The following MTUS2 variants were observed in gnomAD, a reference collection of about 807,000 sequenced individuals.
MTUS2 encodes the protein microtubule associated scaffold protein 2.
MTUS2 carries 40 observed loss-of-function variants against 114.1 expected under a neutral mutation model. The ratio of observed to expected loss-of-function variants is 0.35; its 90% CI spans 0.27 to 0.46. The LOEUF is 0.46. MTUS2 is among the 20% of genes least tolerant of loss of function. The pLI, the probability that MTUS2 is intolerant of heterozygous loss-of-function variation, is 1.00. For synonymous variants in MTUS2, 688 were observed against 672.0 expected (o/e 1.02, Z -0.37); for missense variants, 1,679 against 1,705.4 (o/e 0.98, Z 0.27).
At chr13:28,959,951 A>G (rs936735906) in intron 2 of MTUS2, among the ~76,000 whole-genome samples, 11 of 152,240 alleles carry the variant, frequency 7.2e-5, no homozygotes, top group African/African-American at 2.4e-4. Context: ...ATAACAAATA[A>G]CATAATATGC....
chr13:29,024,822 T>C lies in MTUS2; in HGVS notation c.124T>C (p.Leu42=), dbSNP rs747868737. ...LGDTNANQIM[L]EVSSSHDESK... ...AGATACGAATGCCAATCAAATCATG[T>C]TGGAGGTCAGCTCCTCTCATGACGA... Residue 42 remains leucine (L), a synonymous_variant, in exon 3 of 16, where the codon TTG becomes CTG. Coordinates refer to ENST00000612955, the MANE Select transcript of MTUS2 (RefSeq NM_001033602.4). The C allele has an allele frequency of 1.2e-6, 2 of 1,613,864 alleles. No homozygotes were observed. Among genetic ancestry groups the C allele is most frequent in the Non-Finnish European group, 1.7e-6 (2 of 1,179,892 alleles).
At chr13:28,896,541 G>GA in intron 2 of MTUS2, among the ~76,000 whole-genome samples, 1 of 152,070 alleles carries the variant, frequency 6.6e-6, no homozygotes, top group Admixed American at 6.6e-5. Flanking sequence ...CACAGAATTG[G>GA]AAAAAACTAC....
intron 5 of MTUS2, among the ~76,000 whole-genome samples, chr13:29,188,986 A>C (rs1036689527): frequency 2.0e-5 from 3 of 152,218 alleles, no homozygotes; most frequent in Non-Finnish European, 4.4e-5. Flanking sequence ...CAACATGTAG[A>C]GTCTGAAAGT....
chr13:29,314,121 CAAAGG>C lies in MTUS2; in HGVS notation c.2807-10489_2807-10485del, dbSNP rs770076383. On this transcript the variant is annotated intron_variant, in intron 6 of 15. Transcript: ENST00000612955. Reference sequence around the variant, plus strand: ...ATAGGAACCTGAAGTAGGAAGAAAGCAAAGGAATTTCCCAGAATGATGATGTGACT... The same window carrying C: ...ATAGGAACCTGAAGTAGGAAGAAAGCAATTTCCCAGAATGATGATGTGACT... Among the ~76,000 whole-genome samples, 160 of 152,168 alleles carry C rather than the reference CAAAGG, an allele frequency of 1.1e-3. 2 individuals carry two copies. Among genetic ancestry groups the C allele is most frequent in the Admixed American group, 3.7e-3 (56 of 15,280 alleles).
intron 2 of MTUS2, among the ~76,000 whole-genome samples, chr13:28,940,566 A>G (rs1230096172): frequency 6.6e-6 from 1 of 152,176 alleles, no homozygotes; most frequent in African/African-American, 2.4e-5. Flanking sequence ...CAGGCAATTA[A>G]ATAAGATGGA....
At chr13:29,287,955 G>T (rs1425079431) in intron 6 of MTUS2, among the ~76,000 whole-genome samples, 1 of 152,214 alleles carries the variant, frequency 6.6e-6, no homozygotes, top group African/African-American at 2.4e-5. Context: ...CTGCTATACA[G>T]CCTGACGTGT....
chr13:29,401,527 T>G (rs374065742), intron 8 of MTUS2, among the ~76,000 whole-genome samples: 1 of 152,212 alleles, frequency 6.6e-6, no homozygotes, highest in East Asian at 1.9e-4. Context: ...TGAAATGTAT[T>G]TTGGTGCATG....
At chr13:29,140,495 G>A (rs1056193305) in intron 5 of MTUS2, among the ~76,000 whole-genome samples, 2 of 152,226 alleles carry the variant, frequency 1.3e-5, no homozygotes, top group African/African-American at 4.8e-5. Flanking sequence ...AGTGCTAAAT[G>A]CCGCAGTTAT....
intron 2 of MTUS2, among the ~76,000 whole-genome samples, chr13:28,963,222 G>C (rs560889450): frequency 5.7e-4 from 86 of 152,082 alleles, no homozygotes; most frequent in African/African-American, 2.0e-3. Flanking sequence ...GTGGTGGTGG[G>C]CGCCTGTAGT....
intron 2 of MTUS2, among the ~76,000 whole-genome samples, chr13:28,847,872 C>G (rs866594264): frequency 3.5e-4 from 53 of 152,108 alleles, no homozygotes; most frequent in African/African-American, 1.2e-3. Flanking sequence ...ATGCAAAGCT[C>G]AGACTTGGGA....
intron 2 of MTUS2, among the ~76,000 whole-genome samples, chr13:28,881,769 A>T (rs913481280): frequency 3.9e-5 from 6 of 152,148 alleles, no homozygotes; most frequent in African/African-American, 1.4e-4. Context: ...CCACTTGTAT[A>T]TCTTCTTTTA....
Position 29,504,616 on chromosome 13 carries a change from T to C in MTUS2, c.*1410T>C, listed in dbSNP as rs1169119796. The C allele has an allele frequency of 4.3e-6, 1 of 232,904 alleles. No individual in the cohort carries two copies. Among genetic ancestry groups the C allele is most frequent in the Non-Finnish European group, 8.5e-6 (1 of 117,890 alleles). The allele number at this position is 232,904 out of a possible 1,614,324, so 14.4% of individuals were successfully genotyped here. A position where few individuals can be genotyped will look rare whatever the true frequency, so the allele number is the denominator to read the frequency against. On this transcript the variant is annotated 3_prime_UTR_variant, in exon 16 of 16. Coordinates refer to ENST00000612955, the MANE Select transcript of MTUS2 (RefSeq NM_001033602.4). ...CCTGGACTGGCATCTGTCTCTAAAA[T>C]GGTAGAATTAGGATATGAACAGTAC...
chr13:29,283,880 A>T (rs561741004), intron 6 of MTUS2, among the ~76,000 whole-genome samples: 1 of 152,228 alleles, frequency 6.6e-6, no homozygotes, highest in Non-Finnish European at 1.5e-5. Context: ...TACCCTACCA[A>T]TCATACTGGC....
intron 2 of MTUS2, among the ~76,000 whole-genome samples, chr13:28,842,127 G>A (rs977632571): frequency 5.3e-5 from 8 of 152,014 alleles, no homozygotes; most frequent in Non-Finnish European, 1.2e-4. Context: ...AGTGCAAAAG[G>A]CCCCAGTGTT....
intron 5 of MTUS2, among the ~76,000 whole-genome samples, chr13:29,229,550 A>C (rs546648757): frequency 2.0e-5 from 3 of 152,222 alleles, no homozygotes; most frequent in Non-Finnish European, 4.4e-5. Flanking sequence ...CCTGTAGTTA[A>C]ATTTGGATGT....
intron 5 of MTUS2, among the ~76,000 whole-genome samples, chr13:29,194,050 G>A (rs1894564111): frequency 6.6e-6 from 1 of 150,906 alleles, no homozygotes; most frequent in South Asian, 2.1e-4. Flanking sequence ...TATGTAGAAA[G>A]CTGAAACTGG....
rs190941833 is a variant in MTUS2 at position 29,316,705 on chromosome 13, A to G, written c.2807-7908A>G. ...GGCCAGAAGTTGCAGGTTCAGGCAC[A>G]TACTGGTAAATGCAGATATGTTACA... On this transcript the variant is annotated intron_variant, in intron 6 of 15. Transcript: ENST00000612955. Among the ~76,000 whole-genome samples, 282 of 152,340 alleles carry G rather than the reference A, an allele frequency of 1.9e-3. 2 individuals carry two copies. Among genetic ancestry groups the G allele is most frequent in the African/African-American group, 6.3e-3 (260 of 41,564 alleles).
At chr13:29,157,667 G>A (rs187489712) in intron 5 of MTUS2, among the ~76,000 whole-genome samples, 13 of 152,288 alleles carry the variant, frequency 8.5e-5, no homozygotes, top group East Asian at 3.9e-4. Context: ...GAAGTCTCGG[G>A]AGGAATAAGT....
intron 2 of MTUS2, among the ~76,000 whole-genome samples, chr13:28,967,812 G>A (rs913543253): frequency 6.6e-6 from 1 of 152,144 alleles, no homozygotes; most frequent in Non-Finnish European, 1.5e-5. Context: ...GGAGCCATGA[G>A]TCTGTGTATA....
Sources: allele counts gnomAD v4.1 joint callset (sites outside exome capture counted in the v4.1 genomes callset), GRCh38; gene constraint gnomAD v4.1.1; transcripts MANE v1.5; gene names NCBI Gene and HGNC (gene_info 2026-07-23, HGNC 2026-07-21).